Variants in AGBL4 observed in about 807,000 individuals in gnomAD.
AGBL4 encodes cytosolic carboxypeptidase 6.
Under a neutral mutation model 66.4 loss-of-function variants are expected in AGBL4, and 58 were observed. The ratio of observed to expected loss-of-function variants is 0.87; its 90% CI spans 0.71 to 1.09. The LOEUF is 1.09. Ranked by LOEUF, AGBL4 falls within the 50% of genes least tolerant of loss-of-function variation. The pLI is 0.00. For missense variants in AGBL4, 579 were observed against 631.0 expected, an observed-to-expected ratio of 0.92 and a Z score of 0.88; for synonymous variants, 234 against 222.9, an observed-to-expected ratio of 1.05 and a Z score of -0.44.
chr1:49,341,602 G>A (rs1645540310), intron 3 of AGBL4, among the ~76,000 whole-genome samples: 1 of 152,180 alleles, frequency 6.6e-6, no homozygotes, highest in South Asian at 2.1e-4. Flanking sequence ...ACTATAGGAT[G>A]TTAACGGCTA....
intron 1 of AGBL4, among the ~76,000 whole-genome samples, chr1:50,021,080 A>G (rs1289001483): frequency 2.0e-5 from 3 of 152,234 alleles, no homozygotes; most frequent in African/African-American, 7.2e-5. Context: ...TCAATTTTCT[A>G]CCATCAATGT....
intron 6 of AGBL4, among the ~76,000 whole-genome samples, chr1:48,784,239 T>G (rs1645360270): frequency 6.6e-6 from 1 of 152,222 alleles, no homozygotes; most frequent in African/African-American, 2.4e-5. Flanking sequence ...AAATGATTGC[T>G]GCTGTTACTG....
At chr1:49,456,826 T>C (rs1260017523) in intron 3 of AGBL4, among the ~76,000 whole-genome samples, 1 of 151,882 alleles carries the variant, frequency 6.6e-6, no homozygotes, top group South Asian at 2.1e-4. Flanking sequence ...ATACGATGTT[T>C]GGTTTTCCAT....
intron 3 of AGBL4, among the ~76,000 whole-genome samples, chr1:49,300,267 G>A (rs1644720851): frequency 6.6e-6 from 1 of 152,142 alleles, no homozygotes; most frequent in African/African-American, 2.4e-5. Context: ...ACACAGACCT[G>A]GGTGTGCATC....
At chr1:49,182,430 G>A (rs1235084790) in intron 4 of AGBL4, among the ~76,000 whole-genome samples, 1 of 152,198 alleles carries the variant, frequency 6.6e-6, no homozygotes, top group Non-Finnish European at 1.5e-5. Flanking sequence ...ATAATCTGGA[G>A]TGAGGTAGGC....
intron 5 of AGBL4, among the ~76,000 whole-genome samples, chr1:49,015,462 GC>G (rs1662745551): frequency 7.0e-6 from 1 of 142,682 alleles, no homozygotes; most frequent in African/African-American, 2.6e-5. Flanking sequence ...TCGCTGTGTC[GC>G]CCAGGCTGGA....
intron 3 of AGBL4, among the ~76,000 whole-genome samples, chr1:49,543,494 A>G (rs1220617533): frequency 6.6e-6 from 1 of 152,090 alleles, no homozygotes; most frequent in Non-Finnish European, 1.5e-5. Context: ...TAGGGCAAGC[A>G]GAAGAAAAGC....
At chr1:49,532,870 A>G (rs1214915256) in intron 3 of AGBL4, among the ~76,000 whole-genome samples, 1 of 152,176 alleles carries the variant, frequency 6.6e-6, no homozygotes, top group Non-Finnish European at 1.5e-5. Context: ...GCATGGGCAC[A>G]GTGTCCTTTT....
At chr1:49,127,452 T>C (rs1645789090) in intron 4 of AGBL4, among the ~76,000 whole-genome samples, 1 of 151,960 alleles carries the variant, frequency 6.6e-6, no homozygotes, top group African/African-American at 2.4e-5. Flanking sequence ...AAGAAGAAGA[T>C]ATATAAATGG....
chr1:49,255,335 C>T (rs1225333220), intron 3 of AGBL4, among the ~76,000 whole-genome samples: 1 of 152,058 alleles, frequency 6.6e-6, no homozygotes, highest in South Asian at 2.1e-4. Context: ...AAACAAACAA[C>T]CCCATTAAAA....
intron 3 of AGBL4, among the ~76,000 whole-genome samples, chr1:49,386,662 T>A (rs961135939): frequency 3.3e-5 from 5 of 152,006 alleles, no homozygotes; most frequent in African/African-American, 1.2e-4. Context: ...ATTCAGAATA[T>A]CATCTCTTCA....
intron 3 of AGBL4, among the ~76,000 whole-genome samples, chr1:49,488,871 T>C (rs1164588565): frequency 6.6e-6 from 1 of 151,952 alleles, no homozygotes; most frequent in Non-Finnish European, 1.5e-5. Context: ...GATCTCATTC[T>C]TTTTTATGGC....
intron 1 of AGBL4, among the ~76,000 whole-genome samples, chr1:49,853,399 A>G (rs1417144289): frequency 6.6e-6 from 1 of 152,162 alleles, no homozygotes; most frequent in Non-Finnish European, 1.5e-5. Flanking sequence ...CTGAAAAATA[A>G]ATCAGTAAAC....
At chr1:48,671,196 T>TGCA (rs1266742197) in intron 6 of AGBL4, among the ~76,000 whole-genome samples, 1 of 152,238 alleles carries the variant, frequency 6.6e-6, no homozygotes, top group Non-Finnish European at 1.5e-5. Flanking sequence ...GCAGCATCTG[T>TGCA]TATGCCAGCC....
chr1:49,422,784 AC>A (rs113779841), intron 3 of AGBL4, among the ~76,000 whole-genome samples: 9 of 151,778 alleles, frequency 5.9e-5, no homozygotes, highest in African/African-American at 2.2e-4. Context: ...TCTCATCCCC[AC>A]CCCCTTACCA....
intron 5 of AGBL4, among the ~76,000 whole-genome samples, chr1:48,908,791 T>C (rs1652837647): frequency 6.6e-6 from 1 of 152,196 alleles, no homozygotes; most frequent in Non-Finnish European, 1.5e-5. Flanking sequence ...GTCTTTCACA[T>C]ATGTAGTTTC....
At chr1:48,594,011 A>C (rs2148352510) in intron 9 of AGBL4, among the ~76,000 whole-genome samples, 1 of 152,286 alleles carries the variant, frequency 6.6e-6, no homozygotes, top group Non-Finnish European at 1.5e-5. Context: ...CTGTATAGTT[A>C]AGAATCTTTT....
At chr1:49,228,907 T>C (rs1650102395) in intron 4 of AGBL4, among the ~76,000 whole-genome samples, 1 of 152,196 alleles carries the variant, frequency 6.6e-6, no homozygotes, top group Admixed American at 6.5e-5. Context: ...GACAGCAATA[T>C]GTTCCTAACC....
rs1553234537 is a variant in AGBL4 at position 49,603,571 on chromosome 1, T to TAAATAAAC, written c.282+93741_282+93742insGTTTATTT. 3.0e-3 allele frequency among the ~76,000 whole-genome samples: 401 copies of TAAATAAAC among 135,082 alleles called. 2 individuals are homozygous for TAAATAAAC. The highest frequency in any genetic ancestry group is 4.3e-3 in the Admixed American group (58 of 13,554). The allele number at this position is 135,082 out of a possible 152,430, so 88.6% of individuals were successfully genotyped here. ...ATAAATAAATAAATAAATAAATAAA[T>TAAATAAAC]AAACAAATAAATAGAAAGGGAAGAG... is the stretch of plus-strand genomic sequence containing the variant. On this transcript the variant is annotated intron_variant, in intron 3 of 13. Coordinates refer to ENST00000371839, the MANE Select transcript of AGBL4 (RefSeq NM_032785.4).
Sources: gnomAD v4.1 joint callset for allele counts (sites outside exome capture counted in the v4.1 genomes callset) on GRCh38, gnomAD v4.1.1 for gene constraint, MANE v1.5 for transcripts, NCBI Gene and HGNC (gene_info 2026-07-23, HGNC 2026-07-21) for gene names.